Variants in OCRL observed in about 807,000 individuals in gnomAD.
OCRL encodes inositol polyphosphate 5-phosphatase OCRL.
In OCRL, 8 loss-of-function variants were observed where a neutral mutation model predicts 78.9. The observed-to-expected ratio is 0.10, with a 90% CI of 0.06 to 0.18. The LOEUF (loss-of-function observed/expected upper bound fraction) is 0.18. Among genes scored for constraint, OCRL ranks in the 10% least tolerant of loss-of-function variants. The pLI, the probability that OCRL is intolerant of heterozygous loss-of-function variation, is 1.00. For synonymous variants in OCRL, 240 were observed against 235.4 expected (o/e 1.02, Z -0.18); for missense variants, 454 against 696.7 (o/e 0.65, Z 3.92).
intron 15 of OCRL, among the ~76,000 whole-genome samples, chrX:129,574,226 G>A (rs977292269): frequency 6.2e-5 from 7 of 112,110 alleles, no homozygotes; most frequent in African/African-American, 2.3e-4. Flanking sequence ...AACCTTTGCT[G>A]CATGTATCAA....
rs1455126476 is a variant in OCRL at position 129,569,259 on chromosome X, T to TA, written c.1467-4dup. ...TCTCTTTATAACTCGTTTCTTTACT[T>TA]ACAGTGGGAAATGCCGGGTTCCAGC... On this transcript the variant is annotated splice_polypyrimidine_tract_variant and splice_region_variant and intron_variant, in intron 14 of 23. Transcript: ENST00000371113. 9.1e-6 allele frequency: 11 copies of TA among 1,210,951 alleles called. No individual in the cohort carries two copies. Among genetic ancestry groups the TA allele is most frequent in the South Asian group, 8.8e-5 (5 of 56,967 alleles).
At chrX:129,542,280 G>A (rs1009122275) in intron 2 of OCRL, among the ~76,000 whole-genome samples, 2 of 106,978 alleles carry the variant, frequency 1.9e-5, no homozygotes, top group Middle Eastern at 4.8e-3. Flanking sequence ...GGTATAGTTG[G>A]GGGTATATGT....
rs1936143774 is a variant in OCRL, at chrX:129,561,412, A to G, written c.939+119A>G. ...TTAATTGAATTCTTCTCTGTGTGTA[A>G]TACTGGGATAGGGCAGATTGATCAT... On this transcript the variant is annotated intron_variant, in intron 10 of 23. Coordinates refer to ENST00000371113, the MANE Select transcript of OCRL (RefSeq NM_000276.4). 15 of 521,210 alleles carry G rather than the reference A, an allele frequency of 2.9e-5. No individual in the cohort carries two copies. In the South Asian group the frequency reaches 3.6e-4, roughly 12 times the overall value. The allele number at this position is 521,210 out of a possible 1,213,427, so 43.0% of individuals were successfully genotyped here.
chrX:129,543,722 G>C (rs1326642168), intron 2 of OCRL, among the ~76,000 whole-genome samples: 1 of 112,764 alleles, frequency 8.9e-6, no homozygotes, highest in Non-Finnish European at 1.9e-5. Context: ...AATGCAAAAA[G>C]CAAAAGCAAC....
At chrX:129,555,791 G>A (rs1936038326) in intron 4 of OCRL, among the ~76,000 whole-genome samples, 1 of 112,314 alleles carries the variant, frequency 8.9e-6, no homozygotes, top group African/African-American at 3.2e-5. Context: ...TTGTGTGTTT[G>A]TGTGTGTGTG....
At chrX:129,549,991 A>G (rs1035221547) in intron 4 of OCRL, 1 of 112,138 alleles carries the variant, frequency 8.9e-6, no homozygotes, top group African/African-American at 3.2e-5. Flanking sequence ...ACCATATTTT[A>G]TCTTGATCCT....
chrX:129,569,181 C>CCTAATT lies in OCRL; in HGVS notation c.1467-79_1467-78insTTCTAA, dbSNP rs1936262523. ...TCTTTGGGAGCATGTAACAAGAGAG[C>CCTAATT]CTAACCCTGATCTAAACCAGTGTGG... is the stretch of plus-strand genomic sequence containing the variant. On this transcript the variant is annotated intron_variant, in intron 14 of 23. Transcript: ENST00000371113. 9 of 1,068,242 alleles carry CCTAATT rather than the reference C, an allele frequency of 8.4e-6. No homozygotes were observed. In the East Asian group the frequency reaches 2.7e-4, roughly 32 times the overall value. The allele number at this position is 1,068,242 out of a possible 1,213,427, so 88.0% of individuals were successfully genotyped here.
intron 3 of OCRL, 150 bp downstream of exon 3, chrX:129,545,187 C>T (rs1935862712): frequency 4.4e-6 from 2 of 456,694 alleles, no homozygotes; most frequent in South Asian, 6.5e-5. Context: ...GGAGATGATA[C>T]TTTCTCTAAG....
intron 23 of OCRL, 69 bp downstream of exon 23, chrX:129,590,025 C>T: frequency 8.9e-7 from 1 of 1,126,250 alleles, no homozygotes; most frequent in Non-Finnish European, 1.2e-6. Flanking sequence ...CCAGTATATA[C>T]CTTACTGCAT....
intron 2 of OCRL, among the ~76,000 whole-genome samples, chrX:129,541,400 G>A (rs751083487): frequency 1.6e-3 from 178 of 111,841 alleles, no homozygotes; most frequent in African/African-American, 5.5e-3. Flanking sequence ...CTCACTTACT[G>A]ACTTTACTGT....
chrX:129,558,787 G>A (rs1389926067), intron 7 of OCRL, 34 bp downstream of exon 7: 1 of 1,211,565 alleles, frequency 8.3e-7, no homozygotes, highest in East Asian at 3.0e-5. Flanking sequence ...TTGCCTTGTA[G>A]GAGAATTATA....
intron 3 of OCRL, 133 bp downstream of exon 3, chrX:129,545,170 A>G (rs1163975790): frequency 4.3e-6 from 2 of 467,112 alleles, no homozygotes; most frequent in African/African-American, 4.8e-5. Flanking sequence ...TAAAAAGATA[A>G]CATTGAGGAG....
Position 129,540,819 on chromosome X carries a change from T to C in OCRL, c.115T>C (p.Tyr39His), listed in dbSNP as rs756670728. Residue 39 changes from tyrosine to histidine, a missense_variant, in exon 2 of 24, where the codon TAT becomes CAT. Physicochemically the swap from Tyr to His is moderately conservative, Grantham distance 83 (BLOSUM62 2). Around this residue, in one of 2 missense-constraint regions of OCRL, gnomAD observed 177 missense variants for 179.6 expected, o/e 0.99. Transcript: ENST00000371113. ...ALTLAQRNGQ[Y>H]ELIIQLHEKE... ...GACCCTAGCCCAGAGGAACGGGCAATATGAGTAAGTAACCACCTGATTCCC... is the reference window on the plus strand; with the variant it reads ...GACCCTAGCCCAGAGGAACGGGCAACATGAGTAAGTAACCACCTGATTCCC... 5.0e-6 allele frequency: 6 copies of C among 1,199,538 alleles called. No individual in the cohort carries two copies. In the South Asian group the frequency reaches 1.1e-4, roughly 21 times the overall value.
At chrX:129,565,055 T>A (rs908362467) in intron 12 of OCRL, among the ~76,000 whole-genome samples, 2 of 111,632 alleles carry the variant, frequency 1.8e-5, no homozygotes, top group Admixed American at 9.4e-5. Context: ...TTCCAAAAAT[T>A]TATTTTCCCA....
intron 12 of OCRL, among the ~76,000 whole-genome samples, chrX:129,565,075 A>G (rs907071217): frequency 8.9e-6 from 1 of 111,816 alleles, no homozygotes; most frequent in Admixed American, 9.4e-5. Context: ...AGATTCCATA[A>G]ATTTCATGTT....
intron 12 of OCRL, among the ~76,000 whole-genome samples, chrX:129,563,209 A>G (rs745707599): frequency 2.5e-4 from 28 of 111,977 alleles, no homozygotes; most frequent in Non-Finnish European, 4.5e-4. Context: ...GTACTGTCCA[A>G]TATGACAACC....
intron 18 of OCRL, among the ~76,000 whole-genome samples, chrX:129,579,283 T>C (rs779170503): frequency 1.1e-4 from 12 of 111,795 alleles, no homozygotes; most frequent in Non-Finnish European, 2.3e-4. Flanking sequence ...CACTCTGTTG[T>C]GACTTGATTT....
rs766307749 is a variant in OCRL, at chrX:129,590,982, T to C, written c.*712T>C. 8.8e-6 allele frequency: 1 copy of C among 114,083 alleles called. No individual in the cohort carries two copies. Among genetic ancestry groups the C allele is most frequent in the Non-Finnish European group, 1.9e-5 (1 of 53,590 alleles). 9.4% of individuals were successfully genotyped at this position (114,083 alleles called of 1,213,427 possible). ...ATGGCATCTCATCGATGAGAGAGAA[T>C]CACAATCAGAATGGAAGCACTTTGA... is the stretch of plus-strand genomic sequence containing the variant. On this transcript the variant is annotated 3_prime_UTR_variant, in exon 24 of 24. Transcript: ENST00000371113.
At chrX:129,563,268 A>G (rs1293395767) in intron 12 of OCRL, among the ~76,000 whole-genome samples, 1 of 111,709 alleles carries the variant, frequency 9.0e-6, no homozygotes, top group Non-Finnish European at 1.9e-5. Flanking sequence ...GGTCCAAATT[A>G]AGATATGCTG....
Sources: allele counts gnomAD v4.1 joint callset (sites outside exome capture counted in the v4.1 genomes callset), GRCh38; gene constraint gnomAD v4.1.1; regional missense constraint gnomAD v4.1.1; transcripts MANE v1.5; gene names NCBI Gene and HGNC (gene_info 2026-07-23, HGNC 2026-07-21).